SP6: variants seen among roughly 807,000 people sequenced by gnomAD.
SP6 encodes transcription factor Sp6.
A neutral mutation model predicts 23.4 loss-of-function variants in SP6; 10 were observed. The ratio of observed to expected loss-of-function variants is 0.43; its 90% CI spans 0.26 to 0.72. The LOEUF (loss-of-function observed/expected upper bound fraction) is 0.72. Ranked by LOEUF, SP6 falls within the 30% of genes least tolerant of loss-of-function variation. The pLI, the probability that SP6 is intolerant of heterozygous loss-of-function variation, is 0.23. For synonymous variants in SP6, 238 were observed against 238.7 expected, an observed-to-expected ratio of 1.00 and a Z score of 0.03; for missense variants, 482 against 523.8, an observed-to-expected ratio of 0.92 and a Z score of 0.78.
chr17:47,866,620 G>A, the SP6 span, among the ~76,000 whole-genome samples: 6 of 152,334 alleles, frequency 3.9e-5, no homozygotes, highest in South Asian at 8.3e-4. Flanking sequence ...CAGCCACCGT[G>A]AACAAAGGCT....
In SP6 at chr17:47,848,622, A is replaced by C; in HGVS notation, c.-57-136T>G. 1 of 550,666 alleles carries C rather than the reference A, an allele frequency of 1.8e-6. No homozygotes were observed. The highest frequency in any genetic ancestry group is 3.2e-6 in the Non-Finnish European group (1 of 311,762). 34.1% of individuals were successfully genotyped at this position (550,666 alleles called of 1,614,324 possible). A position where few individuals can be genotyped will look rare whatever the true frequency, so the allele number is the denominator to read the frequency against. On this transcript the variant is annotated intron_variant, in intron 1 of 1. Coordinates refer to ENST00000536300, the MANE Select transcript of SP6 (RefSeq NM_001258248.2). This position sits in a 1 kb window ranked among gnomAD's most constrained non-coding sequence, Gnocchi z 5.3. ...CGAGGACTAGAGATGAGTTTAGAGAATTCGGGAGTGCGAGGAAGGGTCCAA... is the reference window on the plus strand; with the variant it reads ...CGAGGACTAGAGATGAGTTTAGAGACTTCGGGAGTGCGAGGAAGGGTCCAA...
chr17:47,861,048 G>T, the SP6 span, among the ~76,000 whole-genome samples: 2 of 152,380 alleles, frequency 1.3e-5, no homozygotes, highest in East Asian at 3.9e-4. Flanking sequence ...CAGGCGGGTA[G>T]GGGGAAGGAG....
chr17:47,865,713 T>C, the SP6 span, among the ~76,000 whole-genome samples: 1 of 152,094 alleles, frequency 6.6e-6, no homozygotes, highest in Non-Finnish European at 1.5e-5. Flanking sequence ...ACTGGGTTGC[T>C]CCAGTGAGCA....
chr17:47,853,525 T>G (rs2033977116), upstream of SP6, among the ~76,000 whole-genome samples: 1 of 152,204 alleles, frequency 6.6e-6, no homozygotes, highest in Non-Finnish European at 1.5e-5. Context: ...CTAAAGCCTG[T>G]GCAGGGGTCT....
chr17:47,873,048 C>T, the SP6 span, among the ~76,000 whole-genome samples: 23 of 152,348 alleles, frequency 1.5e-4, no homozygotes, highest in African/African-American at 5.3e-4. Flanking sequence ...GTGGGGAAAC[C>T]ACAGAGGAGG....
chr17:47,861,271 C>T, the SP6 span, among the ~76,000 whole-genome samples: 2 of 152,056 alleles, frequency 1.3e-5, no homozygotes, highest in Non-Finnish European at 2.9e-5. Context: ...CCCCTCTGGC[C>T]GGGGTGGGGG....
At chr17:47,865,290 G>A in the SP6 span, 3 of 152,198 alleles carry the variant, frequency 2.0e-5, no homozygotes, top group African/African-American at 7.2e-5. Flanking sequence ...GGGATTTCCG[G>A]GAGCCATCCT....
chr17:47,866,553 A>G, the SP6 span, among the ~76,000 whole-genome samples: 1 of 152,208 alleles, frequency 6.6e-6, no homozygotes, highest in Non-Finnish European at 1.5e-5. Context: ...ACCTAGTTTT[A>G]AGCCAGGGTG....
At chr17:47,854,047 A>G (rs59715174), upstream of SP6, among the ~76,000 whole-genome samples, 19,694 of 152,256 alleles carry the variant, frequency 0.13, 1,512 homozygotes, top group Middle Eastern at 0.22. Context: ...AACACAGCCC[A>G]TCACATCTCC....
upstream of SP6, among the ~76,000 whole-genome samples, chr17:47,852,207 A>G (rs1272930684): frequency 6.6e-6 from 1 of 152,136 alleles, no homozygotes; most frequent in Non-Finnish European, 1.5e-5. Context: ...TTTGAGAAAA[A>G]TTCACATGCC....
chr17:47,875,656 CCT>C, the SP6 span, among the ~76,000 whole-genome samples: 5 of 152,230 alleles, frequency 3.3e-5, no homozygotes, highest in Admixed American at 2.0e-4. Flanking sequence ...TCTGGAAGAA[CCT>C]CTTTTTCCTG....
chr17:47,864,949 T>A, the SP6 span: 1 of 152,130 alleles, frequency 6.6e-6, no homozygotes, highest in Non-Finnish European at 1.5e-5. Flanking sequence ...ACCCAAGAGA[T>A]GAGATCCTGG....
At chr17:47,874,625 C>T in the SP6 span, among the ~76,000 whole-genome samples, 1 of 152,156 alleles carries the variant, frequency 6.6e-6, no homozygotes, top group Non-Finnish European at 1.5e-5. Flanking sequence ...TTGGGGTTCT[C>T]TCCATCTAGG....
At chr17:47,849,498 T>A (rs1414025102) in intron 1 of SP6, among the ~76,000 whole-genome samples, 1 of 152,132 alleles carries the variant, frequency 6.6e-6, no homozygotes, top group Non-Finnish European at 1.5e-5. Flanking sequence ...ATCCTAGGCA[T>A]GGATCATTTT....
the SP6 span, among the ~76,000 whole-genome samples, chr17:47,862,554 A>ATTTCT: frequency 6.6e-6 from 1 of 151,736 alleles, no homozygotes; most frequent in African/African-American, 2.4e-5. Context: ...AGTTAGATCC[A>ATTTCT]TTTCTCAAAG....
rs777163241 is a variant in SP6 at position 47,847,310 on chromosome 17, G to A, written c.1120C>T (p.Pro374Ser). The change falls in exon 2 of 2, where the codon CCC becomes TCC. Residue 374 changes from proline to serine, a missense_variant. Around this residue, in one of 3 missense-constraint regions of SP6, gnomAD observed 101 missense variants for 99.3 expected, o/e 1.02. Coordinates refer to ENST00000536300, the MANE Select transcript of SP6 (RefSeq NM_001258248.2). ...CGGCACTGAGGAGCTCAGTTGGAGGGAGCCACGCTGCCCTCGGCCTCGCGT... is the reference window on the plus strand; with the variant it reads ...CGGCACTGAGGAGCTCAGTTGGAGGAAGCCACGCTGCCCTCGGCCTCGCGT... The part of the protein sequence containing the change: ...GKREAEGSVA[P>S]SN 2 of 1,551,558 alleles carry A rather than the reference G, an allele frequency of 1.3e-6. No homozygotes were observed. Among genetic ancestry groups the A allele is most frequent in the African/African-American group, 1.4e-5 (1 of 73,536 alleles).
At chr17:47,868,419 T>C in the SP6 span, among the ~76,000 whole-genome samples, 1 of 152,274 alleles carries the variant, frequency 6.6e-6, no homozygotes, top group Admixed American at 6.5e-5. Flanking sequence ...TCAAGTACCA[T>C]GGGGACGACC....
upstream of SP6, among the ~76,000 whole-genome samples, chr17:47,860,731 T>G (rs111630961): frequency 0.24 from 35,336 of 148,484 alleles, 4,907 homozygotes; most frequent in Non-Finnish European, 0.31. Context: ...AATAAATAAA[T>G]AAATAAATAA....
intron 1 of SP6, among the ~76,000 whole-genome samples, chr17:47,849,522 A>C (rs1158698349): frequency 6.6e-6 from 1 of 152,154 alleles, no homozygotes; most frequent in Non-Finnish European, 1.5e-5. Flanking sequence ...GAAGCTCCCC[A>C]CCACCACCAG....
Sources: gnomAD v4.1 joint callset for allele counts (sites outside exome capture counted in the v4.1 genomes callset) on GRCh38, gnomAD v4.1.1 for gene constraint, gnomAD v4.1.1 regional missense constraint, Gnocchi (gnomAD v3.1) non-coding constraint, MANE v1.5 for transcripts, NCBI Gene and HGNC (gene_info 2026-07-23, HGNC 2026-07-21) for gene names.